RNASEH1: variants seen among roughly 807,000 people sequenced by gnomAD.
RNASEH1 encodes the protein ribonuclease H1.
RNASEH1 carries 27 observed loss-of-function variants against 34.6 expected under a neutral mutation model. That is an observed-to-expected ratio of 0.78 (90% confidence interval 0.58 to 1.08). The LOEUF (loss-of-function observed/expected upper bound fraction) is 1.08. RNASEH1 is among the 50% of genes least tolerant of loss of function. RNASEH1 has a pLI of 0.00. For missense variants in RNASEH1, 349 were observed against 373.6 expected (o/e 0.93, Z 0.54); for synonymous variants, 162 against 138.4 (o/e 1.17, Z -1.20).
downstream of RNASEH1, among the ~76,000 whole-genome samples, chr2:3,539,431 C>T (rs6747659): frequency 0.021 from 3,217 of 152,242 alleles, 119 homozygotes; most frequent in African/African-American, 0.072. Flanking sequence ...GAAAGTTGTT[C>T]TTTGACAAAT....
At position 3,545,230 on chromosome 2, in the gene RNASEH1, T is replaced by C. The variant is rs1350130991; in HGVS notation, c.*555A>G. 6.5e-6 allele frequency: 1 copy of C among 152,988 alleles called. No individual in the cohort carries two copies. The highest frequency in any genetic ancestry group is 1.9e-4 in the East Asian group (1 of 5,172). The allele number at this position is 152,988 out of a possible 1,614,324, so 9.5% of individuals were successfully genotyped here. On this transcript the variant is annotated 3_prime_UTR_variant, in exon 8 of 8. Transcript: ENST00000315212. ...AGCCAGGGTCGCCGCAGGCAGGCTT[T>C]GCCCTATACTAACTGCCCAGCAAGC... is the stretch of plus-strand genomic sequence containing the variant.
Position 3,542,808 on chromosome 2 carries a change from G to A in RNASEH1, c.*2977C>T, listed in dbSNP as rs978712186. Among the ~76,000 whole-genome samples, 6 of 152,158 alleles carry A rather than the reference G, an allele frequency of 3.9e-5. No individual in the cohort carries two copies. The highest frequency in any genetic ancestry group is 8.8e-5 in the Non-Finnish European group (6 of 68,034). ...TAGAGGAGGCTATGTAAAGGCCCCAGGACCCTGAATTTGTATTGGGAATAT... is the reference window on the plus strand; with the variant it reads ...TAGAGGAGGCTATGTAAAGGCCCCAAGACCCTGAATTTGTATTGGGAATAT... On this transcript the variant is annotated 3_prime_UTR_variant, in exon 8 of 8. Coordinates refer to ENST00000315212, the MANE Select transcript of RNASEH1 (RefSeq NM_002936.6).
chr2:3,557,242 GT>G (rs1231570810), intron 1 of RNASEH1, among the ~76,000 whole-genome samples: 2 of 151,822 alleles, frequency 1.3e-5, no homozygotes, highest in African/African-American at 4.8e-5. Context: ...TTGATCTATG[GT>G]TAGCTGAAAC....
rs1668407178 is a variant in RNASEH1 at position 3,542,773 on chromosome 2, A to C, written c.*3012T>G. Among the ~76,000 whole-genome samples, 1 of 152,234 alleles carries C rather than the reference A, an allele frequency of 6.6e-6. No homozygotes were observed. Among genetic ancestry groups the C allele is most frequent in the Non-Finnish European group, 1.5e-5 (1 of 68,040 alleles). The stretch of plus-strand genomic sequence containing the variant: ...GCAGGATTCCGAGTGCAGGAGACAC[A>C]GACATCATATAGAGGAGGCTATGTA... On this transcript the variant is annotated 3_prime_UTR_variant, in exon 8 of 8. Coordinates refer to ENST00000315212, the MANE Select transcript of RNASEH1 (RefSeq NM_002936.6).
intron 7 of RNASEH1, among the ~76,000 whole-genome samples, chr2:3,547,446 G>A (rs1320845085): frequency 6.6e-6 from 1 of 151,646 alleles, no homozygotes; most frequent in Non-Finnish European, 1.5e-5. Context: ...AAAGTGCTGG[G>A]TTACAGATGT....
chr2:3,556,731 T>C, intron 2 of RNASEH1, 58 bp downstream of exon 2: 1 of 1,124,822 alleles, frequency 8.9e-7, no homozygotes, highest in Non-Finnish European at 1.4e-6. Flanking sequence ...AAATGCCATC[T>C]GGCATATGAA....
chr2:3,557,819 C>A, intron 1 of RNASEH1: 1 of 1,273,302 alleles, frequency 7.9e-7, no homozygotes, highest in Non-Finnish European at 1.1e-6. Flanking sequence ...GTTCTGATTA[C>A]GTGTCACTTT....
chr2:3,551,086 G>A (rs56047025), intron 3 of RNASEH1, among the ~76,000 whole-genome samples: 98 of 152,382 alleles, frequency 6.4e-4, no homozygotes, highest in Non-Finnish European at 1.1e-3. Flanking sequence ...TGGGATCAGA[G>A]GTCAGGTTGC....
rs1668362347 is a variant in RNASEH1 at position 3,542,201 on chromosome 2, A to C, written c.*3584T>G. Among the ~76,000 whole-genome samples the C allele has an allele frequency of 6.6e-6, 1 of 152,222 alleles. No homozygotes were observed. Reference sequence around the variant, plus strand: ...AACTCCAGTTCAAGCAAATCTTCTTAAAATAACAGATATGAAGTACACATA... The same window carrying C: ...AACTCCAGTTCAAGCAAATCTTCTTCAAATAACAGATATGAAGTACACATA... On this transcript the variant is annotated 3_prime_UTR_variant, in exon 8 of 8. Transcript: ENST00000315212.
rs376188479 is a variant in RNASEH1 at position 3,552,261 on chromosome 2, G to A, written c.292C>T (p.Arg98Ter). The A allele has an allele frequency of 1.1e-5, 17 of 1,614,002 alleles. No individual in the cohort carries two copies. Among genetic ancestry groups the A allele is most frequent in the South Asian group, 2.2e-5 (2 of 91,068 alleles). ...GQESEAKASK[R>*]LREPLDGDGH... is the part of the protein sequence containing the mutation. ...TCTCCATCCAGTGGCTCACGGAGTC[G>A]CTTGCTGGCTTTCGCCTCCGATTCT... The change falls in exon 3 of 8, where the codon CGA becomes TGA. Residue 98 changes from arginine to a stop codon, truncating the protein, a stop_gained. Transcript: ENST00000315212. LOFTEE classifies it high-confidence loss of function.
rs752551707 is a variant in RNASEH1, at chr2:3,556,781, G to A, written c.244+8C>T. The A allele has an allele frequency of 3.2e-5, 51 of 1,587,518 alleles. No individual in the cohort carries two copies. In the Middle Eastern group the frequency reaches 6.7e-4, roughly 21 times the overall value. ...TTAAAATGTCACACTGATATGAGAG[G>A]TGACTACCTTCTGAAACTTCCGGGC... On this transcript the variant is annotated splice_region_variant and intron_variant, in intron 2 of 7. Transcript: ENST00000315212.
chr2:3,532,127 A>G, the RNASEH1 span: 2 of 630,856 alleles, frequency 3.2e-6, no homozygotes, highest in Middle Eastern at 2.5e-4. Context: ...AGTTTTGGGG[A>G]ATGGAGGGAA....
rs938198030 is a variant in RNASEH1 at position 3,541,714 on chromosome 2, C to G, written c.*4071G>C. ...AGTGGTTGCCTGAACATGGAGGACA[C>G]GAGGGACGGTTTAGACCGGGGTGTG... On this transcript the variant is annotated 3_prime_UTR_variant, in exon 8 of 8. Coordinates refer to ENST00000315212, the MANE Select transcript of RNASEH1 (RefSeq NM_002936.6). 1.3e-5 allele frequency among the ~76,000 whole-genome samples: 2 copies of G among 152,298 alleles called. No individual in the cohort carries two copies. The highest frequency in any genetic ancestry group is 4.1e-4 in the South Asian group (2 of 4,824).
At chr2:3,554,727 C>G (rs1271650463) in intron 2 of RNASEH1, among the ~76,000 whole-genome samples, 1 of 152,034 alleles carries the variant, frequency 6.6e-6, no homozygotes, top group Non-Finnish European at 1.5e-5. Flanking sequence ...AAATAAATTA[C>G]TGATTGGTTA....
intron 4 of RNASEH1, 109 bp downstream of exon 4, chr2:3,550,264 G>T (rs758148289): frequency 5.4e-6 from 5 of 919,408 alleles, no homozygotes; most frequent in South Asian, 2.6e-5. Context: ...CCCTGCCAGA[G>T]CTACTTATCT....
rs1415801926 is a variant in RNASEH1 at position 3,543,741 on chromosome 2, G to A, written c.*2044C>T. Among the ~76,000 whole-genome samples, 1 of 152,056 alleles carries A rather than the reference G, an allele frequency of 6.6e-6. No individual in the cohort carries two copies. Among genetic ancestry groups the A allele is most frequent in the Non-Finnish European group, 1.5e-5 (1 of 68,022 alleles). ...TCCTCCCATCTCAGCCTCCAGAATAGCTGGGACAACAGGCAGGCACTACCA... is the reference window on the plus strand; with the variant it reads ...TCCTCCCATCTCAGCCTCCAGAATAACTGGGACAACAGGCAGGCACTACCA... On this transcript the variant is annotated 3_prime_UTR_variant, in exon 8 of 8. Coordinates refer to ENST00000315212, the MANE Select transcript of RNASEH1 (RefSeq NM_002936.6).
Position 3,558,281 on chromosome 2 carries a change from A to T in RNASEH1, c.-21T>A. On this transcript the variant is annotated 5_prime_UTR_variant, in exon 1 of 8. Transcript: ENST00000315212. ...CTCATCGCTCACTCCCGGCACCGGG[A>T]AGCATTTCGACTCCCGGCCCAGCGT... 1.3e-6 allele frequency: 2 copies of T among 1,540,156 alleles called. No homozygotes were observed. The highest frequency in any genetic ancestry group is 1.7e-6 in the Non-Finnish European group (2 of 1,147,734).
chr2:3,545,909 C>G, intron 7 of RNASEH1, 38 bp from the exon 8 acceptor site: 4 of 1,429,080 alleles, frequency 2.8e-6, no homozygotes, highest in Non-Finnish European at 4.0e-6. Flanking sequence ...TTTTACTCAT[C>G]TTTACATAAG....
At chr2:3,540,454 G>A (rs1191582204), downstream of RNASEH1, among the ~76,000 whole-genome samples, 3 of 152,256 alleles carry the variant, frequency 2.0e-5, no homozygotes, top group African/African-American at 7.2e-5. Flanking sequence ...TATTGCCCAG[G>A]CTGGAGTGCA....
Sources: allele counts gnomAD v4.1 joint callset (sites outside exome capture counted in the v4.1 genomes callset), GRCh38; gene constraint gnomAD v4.1.1; transcripts MANE v1.5; gene names NCBI Gene and HGNC (gene_info 2026-07-23, HGNC 2026-07-21).